Variants in TPRG1 observed in about 807,000 individuals in gnomAD.
The protein encoded by TPRG1 is tumor protein p63 regulated 1, also known as tumor protein p63-regulated gene 1 protein.
A neutral mutation model predicts 29.3 loss-of-function variants in TPRG1; 29 were observed. The ratio of observed to expected loss-of-function variants is 0.99; its 90% CI spans 0.74 to 1.35. The LOEUF (loss-of-function observed/expected upper bound fraction) is 1.35, where lower values mean the gene tolerates loss of function less well. TPRG1 is among the 40% of genes most tolerant of loss of function. The pLI, the probability that TPRG1 is intolerant of heterozygous loss-of-function variation, is 0.00. For missense variants in TPRG1, 327 were observed against 335.0 expected (o/e 0.98, Z 0.19); for synonymous variants, 130 against 116.8 (o/e 1.11, Z -0.73).
At chr3:189,095,494 A>G (rs936280913), upstream of TPRG1, among the ~76,000 whole-genome samples, 11 of 152,186 alleles carry the variant, frequency 7.2e-5, no homozygotes, top group African/African-American at 2.7e-4. Flanking sequence ...TCAAGGCCTT[A>G]GGATTGATGT....
chr3:189,286,332 A>G (rs1718055851), intron 4 of TPRG1, among the ~76,000 whole-genome samples: 1 of 151,908 alleles, frequency 6.6e-6, no homozygotes, highest in South Asian at 2.1e-4. Flanking sequence ...TCTGCCACAT[A>G]GTATATATTT....
chr3:189,010,129 C>T (rs893986075), intron 3 of TPRG1, among the ~76,000 whole-genome samples: 8 of 152,132 alleles, frequency 5.3e-5, no homozygotes, highest in Admixed American at 1.3e-4. Context: ...TGATCTTCTT[C>T]CTTTTTATGG....
chr3:189,030,014 G>C (rs923762905), intron 4 of TPRG1, among the ~76,000 whole-genome samples: 5 of 152,176 alleles, frequency 3.3e-5, no homozygotes, highest in African/African-American at 1.2e-4. Context: ...CTCAGCTTCA[G>C]GTATTTCTTT....
rs377025866 is a variant in TPRG1, at chr3:189,308,571, T to C, written c.480-1815T>C. 6.6e-5 allele frequency among the ~76,000 whole-genome samples: 10 copies of C among 152,206 alleles called. No homozygotes were observed. In the East Asian group the frequency reaches 1.3e-3, roughly 20 times the overall value. On this transcript the variant is annotated intron_variant, in intron 4 of 5. Transcript: ENST00000345063. ...GGAAAGAAGGTTGGCTGAACTTGCA[T>C]ATTTGGAAGTATACTATATCTCTGA...
intron 1 of TPRG1, among the ~76,000 whole-genome samples, chr3:189,179,948 AAG>A (rs1729992472): frequency 6.6e-6 from 1 of 152,208 alleles, no homozygotes; most frequent in African/African-American, 2.4e-5. Flanking sequence ...TTATGAAAGA[AAG>A]AGGTTTAGTG....
intron 3 of TPRG1, among the ~76,000 whole-genome samples, chr3:189,216,323 TTAG>T (rs138855183): frequency 0.011 from 1,663 of 152,248 alleles, 29 homozygotes; most frequent in African/African-American, 0.036. Flanking sequence ...GGATGTCTTG[TTAG>T]ACTAAGTTTC....
rs1724427711 is a variant in TPRG1 at position 189,322,766 on chromosome 3, C to G, written c.*1946C>G. On this transcript the variant is annotated 3_prime_UTR_variant, in exon 6 of 6. Transcript: ENST00000345063. ...CCTAAGCCAGACTGTTCCCAAATGA[C>G]CTTCTAAAGGACACAGTGCACCATC... 6.6e-6 allele frequency: 1 copy of G among 152,148 alleles called. No individual in the cohort carries two copies. Among genetic ancestry groups the G allele is most frequent in the South Asian group, 2.1e-4 (1 of 4,826 alleles). 9.4% of individuals were successfully genotyped at this position (152,148 alleles called of 1,614,324 possible).
chr3:189,197,924 T>C (rs914865918), intron 1 of TPRG1, among the ~76,000 whole-genome samples: 1 of 152,182 alleles, frequency 6.6e-6, no homozygotes, highest in East Asian at 1.9e-4. Context: ...CCCCATGAAA[T>C]TCTTAAGGCA....
chr3:189,032,604 T>TA (rs1482004032), intron 4 of TPRG1, among the ~76,000 whole-genome samples: 2 of 151,370 alleles, frequency 1.3e-5, no homozygotes, highest in African/African-American at 2.5e-5. Context: ...TCTTTTTTTT[T>TA]ATTATTATTA....
At chr3:189,035,821 G>A (rs1714231426) in intron 4 of TPRG1, among the ~76,000 whole-genome samples, 1 of 152,136 alleles carries the variant, frequency 6.6e-6, no homozygotes, top group Non-Finnish European at 1.5e-5. Flanking sequence ...CACTGTTAGT[G>A]GGAATGTAAA....
chr3:189,239,292 T>C (rs956742402), intron 4 of TPRG1, among the ~76,000 whole-genome samples: 2 of 152,030 alleles, frequency 1.3e-5, no homozygotes, highest in Non-Finnish European at 2.9e-5. Context: ...GTTAAACTCA[T>C]CAAGTCTCGT....
At position 189,222,667 on chromosome 3, in the gene TPRG1, C is replaced by T. The variant is rs1419164455; in HGVS notation, c.302+7284C>T. 2.6e-5 allele frequency among the ~76,000 whole-genome samples: 4 copies of T among 152,204 alleles called. No homozygotes were observed. In the East Asian group the frequency reaches 7.7e-4, roughly 29 times the overall value. On this transcript the variant is annotated intron_variant, in intron 3 of 5. Transcript: ENST00000345063. ...TTGAGAAGTATACTGGTCCAGATCA[C>T]TCTCATGTTCATGCATAAGAATTTC...
chr3:189,167,000 C>G (rs745450811), upstream of TPRG1, among the ~76,000 whole-genome samples: 7 of 152,146 alleles, frequency 4.6e-5, no homozygotes, highest in Non-Finnish European at 7.3e-5. Flanking sequence ...AAATTAATGC[C>G]AAGAAGAGGT....
At chr3:189,241,382 A>T (rs942035064) in intron 4 of TPRG1, among the ~76,000 whole-genome samples, 1 of 152,056 alleles carries the variant, frequency 6.6e-6, no homozygotes, top group Non-Finnish European at 1.5e-5. Flanking sequence ...AGAAAGCCAT[A>T]TTATTTATTT....
At chr3:189,243,835 C>T (rs562144297) in intron 4 of TPRG1, among the ~76,000 whole-genome samples, 2 of 152,278 alleles carry the variant, frequency 1.3e-5, no homozygotes, top group African/African-American at 4.8e-5. Flanking sequence ...GCTCCAGTTC[C>T]AAATAAGTTT....
At chr3:189,095,408 T>C (rs1000352134), upstream of TPRG1, among the ~76,000 whole-genome samples, 1 of 152,178 alleles carries the variant, frequency 6.6e-6, no homozygotes, top group African/African-American at 2.4e-5. Context: ...CTGATATTTA[T>C]GGAATGTCTC....
chr3:189,255,551 G>A (rs1711698291), intron 4 of TPRG1, among the ~76,000 whole-genome samples: 1 of 152,184 alleles, frequency 6.6e-6, no homozygotes, highest in Non-Finnish European at 1.5e-5. Context: ...ATGAGTTAGG[G>A]AGAAGTCCGT....
chr3:189,022,429 T>G (rs1453751905), intron 3 of TPRG1, among the ~76,000 whole-genome samples: 30 of 150,844 alleles, frequency 2.0e-4, no homozygotes, highest in East Asian at 1.7e-3. Flanking sequence ...GTCCTTTCTG[T>G]TTGTTAGTTT....
intron 4 of TPRG1, among the ~76,000 whole-genome samples, chr3:189,040,324 C>T (rs1204861300): frequency 6.6e-6 from 1 of 152,194 alleles, no homozygotes; most frequent in Admixed American, 6.5e-5. Context: ...CTTTAGCCAT[C>T]CTCCTAGTTA....
Sources: allele counts gnomAD v4.1 joint callset (sites outside exome capture counted in the v4.1 genomes callset), GRCh38; gene constraint gnomAD v4.1.1; transcripts MANE v1.5; gene names NCBI Gene and HGNC (gene_info 2026-07-23, HGNC 2026-07-21).